Variants in DGKB observed in about 807,000 individuals in gnomAD.
The protein encoded by DGKB is 90 kDa diacylglycerol kinase.
DGKB carries 67 observed loss-of-function variants against 114.3 expected under a neutral mutation model. The ratio of observed to expected loss-of-function variants is 0.59; its 90% CI spans 0.48 to 0.72. The LOEUF (loss-of-function observed/expected upper bound fraction) is 0.72. Among genes scored for constraint, DGKB ranks in the 30% least tolerant of loss-of-function variants. DGKB has a pLI of 0.00. For synonymous variants in DGKB, 398 were observed against 323.1 expected (o/e 1.23, Z -2.49); for missense variants, 907 against 975.2 (o/e 0.93, Z 0.93).
chr7:14,571,719 T>C (rs1298502399), intron 20 of DGKB, among the ~76,000 whole-genome samples: 1 of 152,190 alleles, frequency 6.6e-6, no homozygotes, highest in African/African-American at 2.4e-5. Flanking sequence ...GCCGAAGTGA[T>C]TTCTAATTGC....
chr7:14,609,964 T>C (rs1385760688), intron 16 of DGKB, among the ~76,000 whole-genome samples: 2 of 152,004 alleles, frequency 1.3e-5, no homozygotes, highest in Non-Finnish European at 2.9e-5. Flanking sequence ...ATGGCTTGAA[T>C]ATTTTTTTAA....
chr7:14,885,118 G>A (rs1356036511), intron 1 of DGKB, among the ~76,000 whole-genome samples: 1 of 151,920 alleles, frequency 6.6e-6, no homozygotes, highest in Non-Finnish European at 1.5e-5. Context: ...AAACATCTGA[G>A]CGAGGTAACT....
chr7:14,215,871 A>T (rs1203780145), intron 23 of DGKB, among the ~76,000 whole-genome samples: 1 of 152,184 alleles, frequency 6.6e-6, no homozygotes, highest in Admixed American at 6.6e-5. Context: ...CATTAAAAAA[A>T]TTTATTTATA....
intron 21 of DGKB, among the ~76,000 whole-genome samples, chr7:14,458,069 C>G (rs572880940): frequency 1.1e-4 from 17 of 152,074 alleles, no homozygotes; most frequent in African/African-American, 4.1e-4. Flanking sequence ...ATCTTCAAGC[C>G]TTGATTAAAA....
At chr7:14,799,549 T>C (rs1009644185) in intron 2 of DGKB, among the ~76,000 whole-genome samples, 10 of 152,190 alleles carry the variant, frequency 6.6e-5, no homozygotes, top group African/African-American at 2.2e-4. Context: ...GCTCCAGTGG[T>C]GTGGGGAAGT....
chr7:14,687,235 A>G lies in DGKB; in HGVS notation c.712-1873T>C, dbSNP rs564470885. Among the ~76,000 whole-genome samples the G allele has an allele frequency of 2.0e-5, 3 of 152,292 alleles. No individual in the cohort carries two copies. The South Asian group carries it at 6.2e-4, about 32-fold the overall frequency. ...CAGGAGTCTCATGTCCTCTGGCAGC[A>G]TCCATAAAACTGTGGCAAGCTAATA... On this transcript the variant is annotated intron_variant, in intron 9 of 25. Coordinates refer to ENST00000402815, the MANE Select transcript of DGKB (RefSeq NM_001350709.2).
chr7:14,625,107 A>C (rs989062990), intron 14 of DGKB, among the ~76,000 whole-genome samples: 8 of 152,126 alleles, frequency 5.3e-5, no homozygotes, highest in African/African-American at 1.9e-4. Flanking sequence ...GAGGTATATA[A>C]CAAGTTAATT....
At chr7:14,640,516 A>C (rs972019244) in intron 13 of DGKB, among the ~76,000 whole-genome samples, 3 of 152,200 alleles carry the variant, frequency 2.0e-5, no homozygotes, top group African/African-American at 7.2e-5. Flanking sequence ...TCTTTAGAGT[A>C]TTAGCAACAG....
At chr7:14,799,291 T>G (rs529414325) in intron 2 of DGKB, among the ~76,000 whole-genome samples, 191 of 152,332 alleles carry the variant, frequency 1.3e-3, no homozygotes, top group African/African-American at 4.5e-3. Context: ...ACATTCTCAC[T>G]GTCCTACCTC....
chr7:14,703,546 G>C (rs1276402187), intron 6 of DGKB, among the ~76,000 whole-genome samples: 2 of 152,284 alleles, frequency 1.3e-5, no homozygotes, highest in East Asian at 3.9e-4. Context: ...CATGGCCCAG[G>C]CTCCACCACA....
intron 20 of DGKB, among the ~76,000 whole-genome samples, chr7:14,532,285 C>T (rs1393292218): frequency 6.7e-6 from 1 of 149,520 alleles, no homozygotes; most frequent in African/African-American, 2.4e-5. Context: ...GAAAACCAAC[C>T]ATATCAATAA....
At chr7:14,842,313 T>G (rs961094192) in intron 1 of DGKB, among the ~76,000 whole-genome samples, 1 of 152,210 alleles carries the variant, frequency 6.6e-6, no homozygotes, top group Non-Finnish European at 1.5e-5. Flanking sequence ...TCAACATCTC[T>G]TTACTGTCTT....
intron 1 of DGKB, among the ~76,000 whole-genome samples, chr7:14,902,389 C>T (rs1007655646): frequency 6.6e-6 from 1 of 152,156 alleles, no homozygotes; most frequent in African/African-American, 2.4e-5. Flanking sequence ...AATACACAAG[C>T]GGCATCCGCC....
At chr7:14,381,174 T>C (rs1354535584) in intron 21 of DGKB, among the ~76,000 whole-genome samples, 1 of 152,190 alleles carries the variant, frequency 6.6e-6, no homozygotes, top group Non-Finnish European at 1.5e-5. Flanking sequence ...TGGCCTTCAA[T>C]GTTGTCATGC....
chr7:14,416,855 C>T (rs1825800337), intron 21 of DGKB, among the ~76,000 whole-genome samples: 1 of 152,058 alleles, frequency 6.6e-6, no homozygotes, highest in South Asian at 2.1e-4. Flanking sequence ...GGTAATTTTA[C>T]TCAACGCTCC....
At chr7:14,236,447 TATA>T (rs780520907) in intron 23 of DGKB, among the ~76,000 whole-genome samples, 12 of 151,828 alleles carry the variant, frequency 7.9e-5, no homozygotes, top group African/African-American at 1.7e-4. Context: ...ATAAAGTTAT[TATA>T]ATAACACTAA....
At chr7:14,201,401 G>C (rs1785854310) in intron 23 of DGKB, among the ~76,000 whole-genome samples, 4 of 152,014 alleles carry the variant, frequency 2.6e-5, no homozygotes, top group Admixed American at 1.3e-4. Flanking sequence ...GTAAGAAACA[G>C]CAGGGTGATC....
At chr7:14,730,030 A>C (rs1830685858) in intron 5 of DGKB, among the ~76,000 whole-genome samples, 1 of 152,200 alleles carries the variant, frequency 6.6e-6, no homozygotes, top group African/African-American at 2.4e-5. Flanking sequence ...TGTTACGCTG[A>C]CCTGCAACAA....
At chr7:14,929,375 C>A (rs377125834) in intron 1 of DGKB, among the ~76,000 whole-genome samples, 1 of 152,014 alleles carries the variant, frequency 6.6e-6, no homozygotes, top group African/African-American at 2.4e-5. Flanking sequence ...CCATTATCTC[C>A]GCATCCTCAC....
Sources: gnomAD v4.1 joint callset for allele counts (sites outside exome capture counted in the v4.1 genomes callset) on GRCh38, gnomAD v4.1.1 for gene constraint, MANE v1.5 for transcripts, NCBI Gene and HGNC (gene_info 2026-07-23, HGNC 2026-07-21) for gene names.